CHD1: variants seen among roughly 807,000 people sequenced by gnomAD.
CHD1 encodes the protein chromodomain helicase DNA binding protein 1.
A neutral mutation model predicts 224.2 loss-of-function variants in CHD1; 36 were observed. The ratio of observed to expected loss-of-function variants is 0.16; its 90% confidence interval spans 0.12 to 0.21. The LOEUF (loss-of-function observed/expected upper bound fraction) is 0.21, where lower values mean the gene tolerates loss of function less well. Ranked by LOEUF, CHD1 falls within the 10% of genes least tolerant of loss-of-function variation. CHD1 has a pLI of 1.00. For synonymous variants in CHD1, 668 were observed against 658.3 expected, an observed-to-expected ratio of 1.01 and a Z score of -0.23; for missense variants, 1,378 against 1,994.8, an observed-to-expected ratio of 0.69 and a Z score of 5.89.
chr5:98,901,211 CTT>C lies in CHD1; in HGVS notation c.560_561del (p.Lys187SerfsTer9). ...CTATTTTGAGGTTTTCTGCTTTTGA[CTT>C]TGTTTTTTGGCTCATAATCAGATTC... ...ETESDYEPKN[K>X]VKSRKPQNRS... On this transcript the variant is annotated frameshift_variant, in exon 6 of 36. Coordinates refer to ENST00000614616, the MANE Select transcript of CHD1 (RefSeq NM_001270.4). LOFTEE classifies it high-confidence loss of function. 6.2e-7 allele frequency: 1 copy of C among 1,612,368 alleles called. No homozygotes were observed. The highest frequency in any genetic ancestry group is 1.1e-5 in the South Asian group (1 of 90,520).
Position 98,905,091 on chromosome 5 carries a change from C to T in CHD1, c.61G>A (p.Asp21Asn). The T allele has an allele frequency of 6.2e-7, 1 of 1,612,054 alleles. No individual in the cohort carries two copies. Among genetic ancestry groups the T allele is most frequent in the Non-Finnish European group, 8.5e-7 (1 of 1,178,246 alleles). ...CCTGAAGCTGACCCAGAATCATCAT[C>T]CGACTGGCTATAATTTGAAAATAAA... ...RNSSGESSQS[D>N]DDSGSASGSG... The change falls in exon 3 of 36, where the codon GAT (aspartate) becomes AAT (asparagine). Residue 21 changes from aspartate (D) to asparagine (N), a missense_variant. Physicochemically the swap from Asp to Asn is conservative, Grantham distance 23. Coordinates refer to ENST00000614616, the MANE Select transcript of CHD1 (RefSeq NM_001270.4).
rs1284676463 is a variant in CHD1 at position 98,901,063 on chromosome 5, T to C, written c.607A>G (p.Lys203Glu). ...PQNRSKSKNGKKILGQKKRQI... is the reference protein window; with the variant it reads ...PQNRSKSKNGEKILGQKKRQI... Reference sequence around the variant, plus strand: ...CTCTTTTTTTGTCCAAGAATCTTCTTTCCATTTTTTGACTTAGATCTAGGA... The same window carrying C: ...CTCTTTTTTTGTCCAAGAATCTTCTCTCCATTTTTTGACTTAGATCTAGGA... The change falls in exon 7 of 36, where the codon AAG becomes GAG. Residue 203 changes from lysine to glutamate, a missense_variant. Physicochemically the swap from Lys to Glu is moderately conservative, Grantham distance 56. This residue lies in a region of CHD1 where 306 missense variants were observed against 298.1 expected (regional missense o/e 1.03). Coordinates refer to ENST00000614616, the MANE Select transcript of CHD1 (RefSeq NM_001270.4). The C allele has an allele frequency of 6.3e-7, 1 of 1,594,854 alleles. No homozygotes were observed. Among genetic ancestry groups the C allele is most frequent in the South Asian group, 1.2e-5 (1 of 86,684 alleles).
At chr5:98,894,729 G>T in intron 12 of CHD1, 43 bp from the exon 13 acceptor site, 1 of 836,008 alleles carries the variant, frequency 1.2e-6, no homozygotes, top group Non-Finnish European at 1.9e-6. Context: ...CAAACATCAA[G>T]CAAATTATAC....
In CHD1 at chr5:98,882,051, C is replaced by T. The variant is rs770208254; in HGVS notation, c.2791G>A (p.Val931Ile). The change falls in exon 20 of 36, where the codon GTT becomes ATT. Residue 931 changes from valine (V) to isoleucine (I), a missense_variant. By Grantham distance (29) the Val-to-Ile change is conservative (BLOSUM62 3). Transcript: ENST00000614616. ...CTTTGAATTACAAGATGATCTAAAA[C>T]CATCTTCTTTTTCGCCCTTTCAAGA... ...DILERAKKKM[V>I]LDHLVIQRMD... 1 of 1,612,584 alleles carries T rather than the reference C, an allele frequency of 6.2e-7. No individual in the cohort carries two copies. Among genetic ancestry groups the T allele is most frequent in the South Asian group, 1.1e-5 (1 of 91,052 alleles).
Position 98,855,519 on chromosome 5 carries a change from A to G in CHD1, c.*861T>C, listed in dbSNP as rs1003768502. The stretch of plus-strand genomic sequence containing the variant: ...TAAAACTACAAACACAATATTGACT[A>G]AAAAAGGAAAAAAAAGGGAATAACA... On this transcript the variant is annotated 3_prime_UTR_variant, in exon 36 of 36. Transcript: ENST00000614616. 6.6e-6 allele frequency: 1 copy of G among 152,180 alleles called. No homozygotes were observed. Among genetic ancestry groups the G allele is most frequent in the Non-Finnish European group, 1.5e-5 (1 of 67,974 alleles). The allele number at this position is 152,180 out of a possible 1,614,324, so 9.4% of individuals were successfully genotyped here.
intron 18 of CHD1, among the ~76,000 whole-genome samples, 164 bp from the exon 19 acceptor site, chr5:98,883,401 C>T (rs1161894587): frequency 6.6e-6 from 1 of 151,956 alleles, no homozygotes; most frequent in Admixed American, 6.6e-5. Flanking sequence ...GTTATTAACA[C>T]CAAATTCAAT....
At position 98,856,497 on chromosome 5, in the gene CHD1, G is replaced by A. The variant is rs2112435545; in HGVS notation, c.5016C>T (p.Ser1672=). The change falls in exon 36 of 36, where the codon AGC becomes AGT. Residue 1672 remains serine, a synonymous_variant. Coordinates refer to ENST00000614616, the MANE Select transcript of CHD1 (RefSeq NM_001270.4). ...SDWQMDHRAS[S]SGPRSPLDQR... ...GATCTAGTGGTGACCTAGGGCCACTGCTGGAAGCTCTGTGGTCCATTTGCC... is the reference window on the plus strand; with the variant it reads ...GATCTAGTGGTGACCTAGGGCCACTACTGGAAGCTCTGTGGTCCATTTGCC... The A allele has an allele frequency of 6.2e-7, 1 of 1,613,762 alleles. No individual in the cohort carries two copies. The highest frequency in any genetic ancestry group is 8.5e-7 in the Non-Finnish European group (1 of 1,179,708).
Position 98,858,988 on chromosome 5 carries a change from T to G in CHD1, c.4552A>C (p.Asn1518His), listed in dbSNP as rs374166699. 15 of 1,564,776 alleles carry G rather than the reference T, an allele frequency of 9.6e-6. No individual in the cohort carries two copies. Among genetic ancestry groups the G allele is most frequent in the South Asian group, 3.7e-5 (3 of 81,318 alleles). ...CCTGGATTTCTAATCACGTGAGGAT[T>G]CAAGTTGCTGTTTTGATCACTGTTT... The part of the protein sequence containing the change: ...QQNSDQNSNL[N>H]PHVIRNPDVE... Residue 1518 changes from asparagine (N) to histidine (H), a missense_variant, in exon 34 of 36, where the codon AAT becomes CAT. Physicochemically the swap from Asn to His is moderately conservative, Grantham distance 68 (BLOSUM62 1). Around this residue, in one of 16 missense-constraint regions of CHD1, gnomAD observed 278 missense variants for 298.5 expected, o/e 0.93. Coordinates refer to ENST00000614616, the MANE Select transcript of CHD1 (RefSeq NM_001270.4).
rs574125692 is a variant in CHD1, at chr5:98,893,608, TTAAAA to T, written c.1801-7_1801-3del. 1.2e-4 allele frequency: 179 copies of T among 1,547,160 alleles called. 3 individuals carry two copies. The South Asian group carries it at 2.0e-3, about 17-fold the overall frequency. ...CCAATTTAGACCTCCAAGGAATGCC[TTAAAA>T]TAATAGAAAAACAGTATTTTGAGAG... On this transcript the variant is annotated splice_region_variant and splice_polypyrimidine_tract_variant and intron_variant, in intron 13 of 35. Coordinates refer to ENST00000614616, the MANE Select transcript of CHD1 (RefSeq NM_001270.4).
chr5:98,884,454 G>T (rs561170514), intron 18 of CHD1, among the ~76,000 whole-genome samples: 3 of 152,242 alleles, frequency 2.0e-5, no homozygotes, highest in East Asian at 3.9e-4. Flanking sequence ...AGGGAACTAA[G>T]CTATGAGGAT....
chr5:98,866,414 A>G (rs1002187618), intron 31 of CHD1, among the ~76,000 whole-genome samples: 4 of 152,198 alleles, frequency 2.6e-5, no homozygotes, highest in African/African-American at 9.6e-5. Flanking sequence ...AATCAGTAGG[A>G]AATACATTAG....
intron 2 of CHD1, among the ~76,000 whole-genome samples, chr5:98,908,305 T>C (rs747858279): frequency 1.7e-4 from 26 of 152,132 alleles, no homozygotes; most frequent in Non-Finnish European, 3.7e-4. Context: ...CTCCAGCAAA[T>C]CTCTGCCAAC....
Position 98,856,531 on chromosome 5 carries a change from T to C in CHD1, c.4982A>G (p.His1661Arg). Residue 1661 changes from histidine to arginine, a missense_variant, in exon 36 of 36, where the codon CAC becomes CGC. By Grantham distance (29) the His-to-Arg change is conservative. This residue lies in a region of CHD1 where 278 missense variants were observed against 298.5 expected (regional missense o/e 0.93). Coordinates refer to ENST00000614616, the MANE Select transcript of CHD1 (RefSeq NM_001270.4). Reference protein sequence around the residue: ...HHKSSRDYRYHSDWQMDHRAS... With the variant: ...HHKSSRDYRYRSDWQMDHRAS... ...TCTGTGGTCCATTTGCCAGTCTGAG[T>C]GATACCTATAATCCCTGGAAGATTT... 1 of 1,613,900 alleles carries C rather than the reference T, an allele frequency of 6.2e-7. No individual in the cohort carries two copies. The highest frequency in any genetic ancestry group is 8.5e-7 in the Non-Finnish European group (1 of 1,179,842).
intron 2 of CHD1, among the ~76,000 whole-genome samples, chr5:98,915,261 G>A (rs889050997): frequency 6.6e-6 from 1 of 152,154 alleles, no homozygotes; most frequent in Non-Finnish European, 1.5e-5. Flanking sequence ...GCACTGACCA[G>A]CAAAACAACA....
rs1751948806 is a variant in CHD1 at position 98,904,889 on chromosome 5, T to C, written c.255+8A>G. The C allele has an allele frequency of 1.2e-6, 2 of 1,613,522 alleles. No homozygotes were observed. The highest frequency in any genetic ancestry group is 8.5e-7 in the Non-Finnish European group (1 of 1,179,532). The stretch of plus-strand genomic sequence containing the variant: ...AATCTACCTTTCATTGGGTATTTTA[T>C]TGATTACCTCAGCTCCATCAACTTT... On this transcript the variant is annotated splice_region_variant and intron_variant, in intron 3 of 35. Coordinates refer to ENST00000614616, the MANE Select transcript of CHD1 (RefSeq NM_001270.4).
chr5:98,884,470 G>A (rs935603306), intron 18 of CHD1, among the ~76,000 whole-genome samples: 3 of 152,010 alleles, frequency 2.0e-5, no homozygotes, highest in Non-Finnish European at 4.4e-5. Flanking sequence ...AGGATGCAAA[G>A]TAATAAGAAT....
chr5:98,908,001 T>A (rs1752159072), intron 2 of CHD1, among the ~76,000 whole-genome samples: 1 of 152,192 alleles, frequency 6.6e-6, no homozygotes, highest in Non-Finnish European at 1.5e-5. Flanking sequence ...TAATTTTATT[T>A]CCACCTACTG....
At chr5:98,908,112 ATCTC>A (rs1200375187) in intron 2 of CHD1, among the ~76,000 whole-genome samples, 4 of 151,830 alleles carry the variant, frequency 2.6e-5, no homozygotes, top group Non-Finnish European at 4.4e-5. Flanking sequence ...ACCTTTCAGG[ATCTC>A]TCTCTAATTC....
chr5:98,895,782 T>C (rs951305493), intron 12 of CHD1, among the ~76,000 whole-genome samples: 3 of 149,318 alleles, frequency 2.0e-5, no homozygotes, highest in African/African-American at 7.4e-5. Flanking sequence ...CAGTCAAATA[T>C]ATATACTAAG....
Sources: allele counts gnomAD v4.1 joint callset (sites outside exome capture counted in the v4.1 genomes callset), GRCh38; gene constraint gnomAD v4.1.1; regional missense constraint gnomAD v4.1.1; transcripts MANE v1.5; gene names NCBI Gene and HGNC (gene_info 2026-07-23, HGNC 2026-07-21).